Variants in COBLL1 observed in about 807,000 individuals in gnomAD.
COBLL1 encodes the protein cordon-bleu WH2 repeat protein like 1, also known as cordon-bleu protein-like 1.
In COBLL1, 50 loss-of-function variants were observed where a neutral mutation model predicts 94.8. The observed-to-expected ratio is 0.53, with a 90% confidence interval of 0.42 to 0.67. The LOEUF (loss-of-function observed/expected upper bound fraction) is 0.67, where lower values mean the gene tolerates loss of function less well. Ranked by LOEUF, COBLL1 falls within the 30% of genes least tolerant of loss-of-function variation. COBLL1 has a pLI of 0.00. For synonymous variants in COBLL1, 448 were observed against 473.8 expected (o/e 0.95, Z 0.71); for missense variants, 1,362 against 1,348.7 (o/e 1.01, Z -0.15).
chr2:164,716,897 A>G (rs1227029853), intron 7 of COBLL1, among the ~76,000 whole-genome samples: 1 of 152,202 alleles, frequency 6.6e-6, no homozygotes, highest in East Asian at 1.9e-4. Flanking sequence ...TGTGGTTGAC[A>G]AAATTTTTCC....
chr2:164,777,925 T>A (rs758472318), intron 2 of COBLL1, among the ~76,000 whole-genome samples: 1 of 152,230 alleles, frequency 6.6e-6, no homozygotes, highest in Non-Finnish European at 1.5e-5. Flanking sequence ...AAATTTTCTA[T>A]GTTGTCAAAT....
At chr2:164,670,090 G>C (rs955503485) in intron 1 of COBLL1, among the ~76,000 whole-genome samples, 1 of 152,088 alleles carries the variant, frequency 6.6e-6, no homozygotes, top group Non-Finnish European at 1.5e-5. Flanking sequence ...AGCTTATTCT[G>C]TACCACATTC....
chr2:164,739,487 A>G (rs1415435895), intron 3 of COBLL1, among the ~76,000 whole-genome samples: 1 of 152,230 alleles, frequency 6.6e-6, no homozygotes, highest in Non-Finnish European at 1.5e-5. Context: ...GAGGCATATA[A>G]GTTTCTGAAA....
At chr2:164,778,610 C>G (rs1182090838) in intron 2 of COBLL1, among the ~76,000 whole-genome samples, 1 of 152,128 alleles carries the variant, frequency 6.6e-6, no homozygotes, top group African/African-American at 2.4e-5. Flanking sequence ...AAAAAGACAA[C>G]TTTCCAAGCA....
intron 2 of COBLL1, among the ~76,000 whole-genome samples, chr2:164,811,417 G>A (rs1417290813): frequency 6.6e-5 from 10 of 152,018 alleles, no homozygotes; most frequent in African/African-American, 2.4e-4. Flanking sequence ...CACTGTATCA[G>A]TTTAACTGGC....
intron 2 of COBLL1, among the ~76,000 whole-genome samples, chr2:164,806,584 G>A (rs1387413929): frequency 1.3e-5 from 2 of 152,010 alleles, no homozygotes; most frequent in Admixed American, 6.6e-5. Flanking sequence ...GACTTAATAC[G>A]CTTGTTTCTA....
intron 2 of COBLL1, among the ~76,000 whole-genome samples, chr2:164,819,626 T>C (rs1003702186): frequency 6.6e-6 from 1 of 152,180 alleles, no homozygotes; most frequent in Admixed American, 6.5e-5. Flanking sequence ...GAATTTCAGG[T>C]AGGGAAAGAA....
rs768705913 is a variant in COBLL1, at chr2:164,704,984, G to A, written c.1118C>T (p.Pro373Leu). The A allele has an allele frequency of 1.6e-5, 25 of 1,596,034 alleles. No homozygotes were observed. Among genetic ancestry groups the A allele is most frequent in the East Asian group, 9.1e-5 (4 of 44,188 alleles). Residue 373 changes from proline to leucine, a missense_variant, in exon 8 of 14, where the codon CCG becomes CTG. Physicochemically the swap from Pro to Leu is moderately conservative, Grantham distance 98 (BLOSUM62 -3). Transcript: ENST00000652658. Reference sequence around the variant, plus strand: ...ACGACTATTTTCATCACTTTGATGCGGGGGTATTTTGGAGGGTGGGGAAGG... The same window carrying A: ...ACGACTATTTTCATCACTTTGATGCAGGGGTATTTTGGAGGGTGGGGAAGG... Reference protein sequence around the residue: ...KAPSPPSKIPPHQSDENSRVT... With the variant: ...KAPSPPSKIPLHQSDENSRVT...
intron 2 of COBLL1, among the ~76,000 whole-genome samples, chr2:164,658,254 C>G (rs188150266): frequency 9.2e-5 from 14 of 152,264 alleles, no homozygotes; most frequent in Middle Eastern, 3.4e-3. Context: ...TCAGTCCCCC[C>G]TCTCAACAGG....
At chr2:164,789,697 C>G (rs1007789978) in intron 2 of COBLL1, among the ~76,000 whole-genome samples, 1 of 152,098 alleles carries the variant, frequency 6.6e-6, no homozygotes, top group Non-Finnish European at 1.5e-5. Context: ...CTACTTAACT[C>G]TCTACTTGAA....
intron 2 of COBLL1, chr2:164,773,741 T>C: frequency 1.5e-6 from 2 of 1,298,540 alleles, no homozygotes; most frequent in Admixed American, 2.4e-5. Flanking sequence ...AACAGTATTG[T>C]TCCTCTAGCG....
At chr2:164,799,064 C>T (rs1683629624) in intron 2 of COBLL1, among the ~76,000 whole-genome samples, 1 of 147,758 alleles carries the variant, frequency 6.8e-6, no homozygotes, top group Non-Finnish European at 1.5e-5. Flanking sequence ...TGGTTGCTTA[C>T]TCTACCTTAA....
intron 3 of COBLL1, 28 bp from the exon 4 acceptor site, chr2:164,730,143 G>T: frequency 6.4e-7 from 1 of 1,561,218 alleles, no homozygotes; most frequent in Non-Finnish European, 8.8e-7. Flanking sequence ...TTCATTACCC[G>T]TTATTGTTTT....
At chr2:164,764,565 C>T (rs1416247408) in intron 2 of COBLL1, among the ~76,000 whole-genome samples, 1 of 152,022 alleles carries the variant, frequency 6.6e-6, no homozygotes, top group Non-Finnish European at 1.5e-5. Flanking sequence ...ATATATTTCC[C>T]ACCAAAGGAA....
downstream of COBLL1, among the ~76,000 whole-genome samples, chr2:164,678,036 C>T (rs73968214): frequency 3.5e-3 from 526 of 152,152 alleles, 3 homozygotes; most frequent in African/African-American, 0.012. Flanking sequence ...AGCTTTTCTT[C>T]GTGTTTGCTA....
rs368582636 is a variant in COBLL1, at chr2:164,694,554, G to C, written c.2838C>G (p.Ala946=). 6.2e-7 allele frequency: 1 copy of C among 1,613,960 alleles called. No individual in the cohort carries two copies. Among genetic ancestry groups the C allele is most frequent in the African/African-American group, 1.3e-5 (1 of 75,030 alleles). ...DDVIGQAPAE[A]SPPPIAPKPV... ...GTTTTGGAGCTATGGGAGGAGGGGA[G>C]GCTTCAGCAGGAGCCTGACCGATGA... is the stretch of plus-strand genomic sequence containing the variant. Residue 946 remains alanine (A), a synonymous_variant, in exon 12 of 14, where the codon GCC becomes GCG. Transcript: ENST00000652658.
chr2:164,675,063 C>T (rs1574391131), intron 1 of COBLL1, among the ~76,000 whole-genome samples: 1 of 152,128 alleles, frequency 6.6e-6, no homozygotes, highest in East Asian at 1.9e-4. Context: ...TGCTACATTC[C>T]TTAAGGCACA....
chr2:164,672,424 C>G (rs1558904327), intron 1 of COBLL1, among the ~76,000 whole-genome samples: 1 of 152,074 alleles, frequency 6.6e-6, no homozygotes, highest in Non-Finnish European at 1.5e-5. Context: ...GTAGGCCGGG[C>G]GCGGTGGCTC....
intron 1 of COBLL1, among the ~76,000 whole-genome samples, chr2:164,673,558 T>G (rs1159379479): frequency 6.6e-6 from 1 of 152,008 alleles, no homozygotes; most frequent in East Asian, 1.9e-4. Context: ...GTTTGTAATC[T>G]TAGCTACTAG....
Sources: gnomAD v4.1 joint callset for allele counts (sites outside exome capture counted in the v4.1 genomes callset) on GRCh38, gnomAD v4.1.1 for gene constraint, MANE v1.5 for transcripts, NCBI Gene and HGNC (gene_info 2026-07-23, HGNC 2026-07-21) for gene names.